GTF2H3: variants seen among roughly 807,000 people sequenced by gnomAD.
GTF2H3 encodes TFIIH basal transcription factor complex p34 subunit.
Under a neutral mutation model 51.1 loss-of-function variants are expected in GTF2H3, and 42 were observed. That is an observed-to-expected ratio of 0.82 (90% CI 0.64 to 1.06). The LOEUF is 1.06. GTF2H3 is among the 50% of genes least tolerant of loss of function. The pLI is 0.00. For synonymous variants in GTF2H3, 123 were observed against 123.8 expected, an observed-to-expected ratio of 0.99 and a Z score of 0.04; for missense variants, 326 against 366.1, an observed-to-expected ratio of 0.89 and a Z score of 0.89.
chr12:123,639,070 C>CA (rs1401051600), intron 1 of GTF2H3, among the ~76,000 whole-genome samples, 194 bp from the exon 2 acceptor site: 1 of 152,196 alleles, frequency 6.6e-6, no homozygotes, highest in Non-Finnish European at 1.5e-5. Flanking sequence ...GCTGGGGTTA[C>CA]AGGCGTGAGC....
intron 1 of GTF2H3, among the ~76,000 whole-genome samples, chr12:123,634,326 C>T (rs1394342347): frequency 6.6e-6 from 1 of 152,126 alleles, no homozygotes. Flanking sequence ...TCTGTGGTCC[C>T]AGCTACGCGG....
rs762909139 is a variant in GTF2H3 at position 123,648,083 on chromosome 12, A to G, written c.321A>G (p.Ala107=). The G allele has an allele frequency of 2.5e-6, 4 of 1,610,668 alleles. No homozygotes were observed. Among genetic ancestry groups the G allele is most frequent in the South Asian group, 1.1e-5 (1 of 90,700 alleles). Residue 107 remains alanine, a synonymous_variant, in exon 4 of 13, where the codon GCA becomes GCG. Transcript: ENST00000543341. ...GAAAATACGAACTTTTAACCTCAGC[A>G]AATGAAGTTATTGTTGAAGAGATTA... is the stretch of plus-strand genomic sequence containing the variant. ...KDGKYELLTS[A]NEVIVEEIKD... is the part of the protein sequence containing the mutation.
At chr12:123,659,483 C>T (rs374696426) in intron 9 of GTF2H3, 33 bp from the exon 10 acceptor site, 60 of 1,605,514 alleles carry the variant, frequency 3.7e-5, no homozygotes, top group Middle Eastern at 1.6e-4. Flanking sequence ...TAGGTAAGTG[C>T]GAGTTTGGCA....
intron 4 of GTF2H3, among the ~76,000 whole-genome samples, chr12:123,648,676 C>G (rs2135789556): frequency 6.6e-6 from 1 of 152,292 alleles, no homozygotes; most frequent in Middle Eastern, 3.4e-3. Context: ...TCTGTCAGCT[C>G]CCATCCAAGT....
intron 7 of GTF2H3, 109 bp from the exon 8 acceptor site, chr12:123,654,815 G>T: frequency 1.3e-6 from 1 of 762,080 alleles, no homozygotes; most frequent in East Asian, 2.5e-5. Flanking sequence ...ATGATAAATG[G>T]GAAGACAAAC....
intron 2 of GTF2H3, among the ~76,000 whole-genome samples, chr12:123,639,769 C>T (rs1955340807): frequency 6.6e-6 from 1 of 152,136 alleles, no homozygotes. Flanking sequence ...CCTGTGTACC[C>T]ATCACTCAAG....
chr12:123,650,848 T>A lies in GTF2H3; in HGVS notation c.365-146T>A, dbSNP rs1169593803. On this transcript the variant is annotated intron_variant, in intron 4 of 12. Coordinates refer to ENST00000543341, the MANE Select transcript of GTF2H3 (RefSeq NM_001516.5). ...TACCAAGAACACATTGCTATGTTTT[T>A]AAACCTAGTTTGAAAATGTCTTGTT... is the stretch of plus-strand genomic sequence containing the variant. 9 of 593,498 alleles carry A rather than the reference T, an allele frequency of 1.5e-5. No homozygotes were observed. In the East Asian group the frequency reaches 2.7e-4, roughly 18 times the overall value. 36.8% of individuals were successfully genotyped at this position (593,498 alleles called of 1,614,324 possible). A position where few individuals can be genotyped will look rare whatever the true frequency, so the allele number is the denominator to read the frequency against.
At chr12:123,658,970 C>T (rs940507832) in intron 9 of GTF2H3, among the ~76,000 whole-genome samples, 1 of 152,116 alleles carries the variant, frequency 6.6e-6, no homozygotes, top group African/African-American at 2.4e-5. Context: ...ATATCATTAC[C>T]GACCAGGGAA....
chr12:123,644,059 G>A (rs934977867), intron 2 of GTF2H3, among the ~76,000 whole-genome samples: 5 of 152,032 alleles, frequency 3.3e-5, no homozygotes, highest in African/African-American at 1.2e-4. Context: ...TCAAACTCCT[G>A]ACCACAGGTG....
At chr12:123,655,576 C>G (rs1397176609) in intron 8 of GTF2H3, 195 bp from the exon 9 acceptor site, 1 of 487,400 alleles carries the variant, frequency 2.1e-6, no homozygotes, top group Admixed American at 3.7e-5. Flanking sequence ...AGCTTTCTCA[C>G]CCGCTGGCTC....
chr12:123,644,460 G>A (rs2135784988), intron 2 of GTF2H3, among the ~76,000 whole-genome samples: 1 of 152,216 alleles, frequency 6.6e-6, no homozygotes, highest in South Asian at 2.1e-4. Context: ...GAGGTAAAGA[G>A]ATCGAGACCA....
chr12:123,653,891 C>T (rs1955550820), intron 7 of GTF2H3, among the ~76,000 whole-genome samples: 1 of 152,086 alleles, frequency 6.6e-6, no homozygotes, highest in Non-Finnish European at 1.5e-5. Context: ...AATTAGAGAG[C>T]TGTGCAGATG....
intron 7 of GTF2H3, among the ~76,000 whole-genome samples, chr12:123,654,252 GTA>G (rs1302175035): frequency 8.5e-6 from 1 of 117,800 alleles, no homozygotes; most frequent in Admixed American, 1.0e-4. Context: ...TTTGGGGTGT[GTA>G]TATTTTGGGG....
intron 5 of GTF2H3, 71 bp downstream of exon 5, chr12:123,651,127 T>A: frequency 8.6e-7 from 1 of 1,166,874 alleles, no homozygotes; most frequent in Non-Finnish European, 1.3e-6. Flanking sequence ...TGACATTTCT[T>A]AGGACCTTGG....
In GTF2H3 at chr12:123,660,615, A is replaced by G. The variant is rs1164671589; in HGVS notation, c.*380A>G. The G allele has an allele frequency of 6.2e-6, 1 of 161,372 alleles. No homozygotes were observed. 10.0% of individuals were successfully genotyped at this position (161,372 alleles called of 1,614,324 possible). ...TACGAAATTTGAACGTAGCTTTGGA[A>G]AAAGGGACTATTTGTGGAGTAATGG... On this transcript the variant is annotated 3_prime_UTR_variant, in exon 13 of 13. Transcript: ENST00000543341.
intron 5 of GTF2H3, among the ~76,000 whole-genome samples, chr12:123,652,272 A>G (rs778960624): frequency 6.6e-6 from 1 of 152,244 alleles, no homozygotes; most frequent in Non-Finnish European, 1.5e-5. Context: ...AGGTAAGAAT[A>G]GGACAGTCAA....
chr12:123,639,857 T>G (rs1955341959), intron 2 of GTF2H3: 1 of 417,020 alleles, frequency 2.4e-6, no homozygotes, highest in African/African-American at 2.0e-5. Flanking sequence ...CTAAGCAGAT[T>G]GCAGGTTTTA....
chr12:123,648,243 T>C (rs1169460158), intron 4 of GTF2H3, 117 bp downstream of exon 4: 1 of 657,450 alleles, frequency 1.5e-6, no homozygotes, highest in Non-Finnish European at 2.5e-6. Context: ...TCTCACTTTT[T>C]AAAAATCATT....
rs755464660 is a variant in GTF2H3, at chr12:123,660,156, G to A, written c.858-10G>A. 1 of 1,608,762 alleles carries A rather than the reference G, an allele frequency of 6.2e-7. No homozygotes were observed. Among genetic ancestry groups the A allele is most frequent in the South Asian group, 1.1e-5 (1 of 89,780 alleles). ...AACATTAAAAAATGTTTTCCTCTCT[G>A]TAATTTCAGGACAGCCTTTAAAATT... On this transcript the variant is annotated splice_polypyrimidine_tract_variant and intron_variant, in intron 12 of 12. Transcript: ENST00000543341.
Sources: gnomAD v4.1 joint callset for allele counts (sites outside exome capture counted in the v4.1 genomes callset) on GRCh38, gnomAD v4.1.1 for gene constraint, MANE v1.5 for transcripts, NCBI Gene and HGNC (gene_info 2026-07-23, HGNC 2026-07-21) for gene names.